Variants in SYT1 observed in about 807,000 individuals in gnomAD.
SYT1 encodes the protein synaptotagmin 1, also known as synaptotagmin-1.
In SYT1, 8 loss-of-function variants were observed where a neutral mutation model predicts 44.8. That is an observed-to-expected ratio of 0.18 (90% CI 0.10 to 0.32). The LOEUF is 0.32. Among genes scored for constraint, SYT1 ranks in the 10% least tolerant of loss-of-function variants. SYT1 has a pLI of 1.00. For synonymous variants in SYT1, 154 were observed against 188.8 expected, an observed-to-expected ratio of 0.82 and a Z score of 1.51; for missense variants, 286 against 509.3, an observed-to-expected ratio of 0.56 and a Z score of 4.22.
chr12:79,234,208 C>T (rs1358035744), intron 4 of SYT1, among the ~76,000 whole-genome samples: 1 of 152,152 alleles, frequency 6.6e-6, no homozygotes, highest in Non-Finnish European at 1.5e-5. Context: ...ATTTCCAATA[C>T]TATATGTAAA....
At chr12:79,065,778 A>AT (rs1315526161) in intron 3 of SYT1, among the ~76,000 whole-genome samples, 1 of 152,098 alleles carries the variant, frequency 6.6e-6, no homozygotes, top group Non-Finnish European at 1.5e-5. Context: ...TTTTATCATT[A>AT]TTTTTTGTGC....
intron 3 of SYT1, among the ~76,000 whole-genome samples, chr12:79,108,747 T>A (rs918594447): frequency 6.6e-6 from 1 of 152,214 alleles, no homozygotes; most frequent in Non-Finnish European, 1.5e-5. Context: ...AAGCTAGAAC[T>A]TTTAAATATA....
At position 79,352,348 on chromosome 12, in the gene SYT1, C is replaced by A. The variant is rs370189526; in HGVS notation, c.811-1154C>A. On this transcript the variant is annotated intron_variant, in intron 8 of 10. Transcript: ENST00000261205. ...ATAATAAGGGTATTACTTGAAAGTG[C>A]CTTAGTATATGGCTTTCTGTAGCTC... Among the ~76,000 whole-genome samples the A allele has an allele frequency of 4.6e-5, 7 of 152,202 alleles. 1 individual carries two copies. Among genetic ancestry groups the A allele is most frequent in the Admixed American group, 3.3e-4 (5 of 15,276 alleles).
intron 3 of SYT1, among the ~76,000 whole-genome samples, chr12:79,077,524 G>A (rs775143922): frequency 3.3e-5 from 5 of 152,090 alleles, no homozygotes; most frequent in Non-Finnish European, 7.4e-5. Flanking sequence ...TGGTTATTTG[G>A]GTAAGTTATC....
intron 3 of SYT1, among the ~76,000 whole-genome samples, chr12:79,113,301 T>C (rs1398450517): frequency 2.0e-5 from 3 of 152,230 alleles, no homozygotes; most frequent in East Asian, 1.9e-4. Flanking sequence ...TTTTAGCAAA[T>C]AAAATAGGAA....
intron 3 of SYT1, among the ~76,000 whole-genome samples, chr12:79,193,792 AT>A (rs1200030355): frequency 6.6e-6 from 1 of 152,190 alleles, no homozygotes; most frequent in Non-Finnish European, 1.5e-5. Context: ...TGAAGCTAAC[AT>A]TAAATATCAT....
intron 4 of SYT1, among the ~76,000 whole-genome samples, chr12:79,278,292 G>C (rs931024393): frequency 3.9e-5 from 6 of 151,982 alleles, no homozygotes; most frequent in African/African-American, 1.4e-4. Context: ...AATTTTTAGA[G>C]ATTTAAATCC....
At chr12:79,168,191 A>G (rs1038067704) in intron 3 of SYT1, among the ~76,000 whole-genome samples, 2 of 152,002 alleles carry the variant, frequency 1.3e-5, no homozygotes, top group Admixed American at 6.6e-5. Context: ...AGAGACAGGG[A>G]GCTTAAGAGA....
intron 1 of SYT1, among the ~76,000 whole-genome samples, chr12:78,874,641 C>G (rs1873974250): frequency 6.6e-6 from 1 of 151,540 alleles, no homozygotes; most frequent in African/African-American, 2.4e-5. Flanking sequence ...CCACCTGACT[C>G]AAAATGCTTA....
chr12:79,240,205 A>G (rs1348506228), intron 4 of SYT1, among the ~76,000 whole-genome samples: 1 of 152,220 alleles, frequency 6.6e-6, no homozygotes. Flanking sequence ...GAATGAATGT[A>G]TGACAGAGAA....
chr12:79,327,935 G>A (rs916193247), intron 8 of SYT1, among the ~76,000 whole-genome samples: 19 of 152,202 alleles, frequency 1.2e-4, no homozygotes, highest in African/African-American at 3.1e-4. Flanking sequence ...GGGGAATGGC[G>A]TGAGGGGTAA....
At chr12:79,370,294 A>G (rs1293488790) in intron 9 of SYT1, among the ~76,000 whole-genome samples, 1 of 152,158 alleles carries the variant, frequency 6.6e-6, no homozygotes, top group Non-Finnish European at 1.5e-5. Context: ...TTAAGCTGCA[A>G]AATACAGAAT....
In SYT1 at chr12:79,179,329, T is replaced by C. The variant is rs559403278; in HGVS notation, c.-17-38174T>C. 9.0e-4 allele frequency among the ~76,000 whole-genome samples: 97 copies of C among 108,228 alleles called. 3 individuals carry two copies. Among genetic ancestry groups the C allele is most frequent in the South Asian group, 2.7e-3 (10 of 3,642 alleles). The allele number at this position is 108,228 out of a possible 152,430, so 71.0% of individuals were successfully genotyped here. Reference sequence around the variant, plus strand: ...ATATCTATATAGATATAGATATAGATATAGATATATCGATATGTCTATATC... The same window carrying C: ...ATATCTATATAGATATAGATATAGACATAGATATATCGATATGTCTATATC... On this transcript the variant is annotated intron_variant, in intron 3 of 10. Transcript: ENST00000261205.
intron 3 of SYT1, among the ~76,000 whole-genome samples, chr12:79,176,965 A>G (rs1282865249): frequency 1.3e-5 from 2 of 152,016 alleles, no homozygotes; most frequent in East Asian, 3.9e-4. Flanking sequence ...ATTATCCAAT[A>G]TAATCTCTAA....
intron 5 of SYT1, among the ~76,000 whole-genome samples, chr12:79,290,666 A>G (rs554953632): frequency 4.3e-4 from 66 of 152,358 alleles, no homozygotes; most frequent in Middle Eastern, 3.4e-3. Context: ...GAGATTCTAC[A>G]GTAATACATG....
rs538466832 is a variant in SYT1 at position 79,106,988 on chromosome 12, G to A, written c.-18+59626G>A. On this transcript the variant is annotated intron_variant, in intron 3 of 10. Coordinates refer to ENST00000261205, the MANE Select transcript of SYT1 (RefSeq NM_005639.3). The stretch of plus-strand genomic sequence containing the variant: ...CTTTGCATTGTGTAGACCAGAATTC[G>A]GGTTCATAGAAAAAATTCTTTCTTC... 5.9e-5 allele frequency among the ~76,000 whole-genome samples: 9 copies of A among 151,626 alleles called. No individual in the cohort carries two copies. In the East Asian group the frequency reaches 1.4e-3, roughly 23 times the overall value.
chr12:79,420,145 G>A (rs762555591), intron 9 of SYT1, among the ~76,000 whole-genome samples: 1 of 152,004 alleles, frequency 6.6e-6, no homozygotes, highest in Non-Finnish European at 1.5e-5. Flanking sequence ...TGCAAATGTG[G>A]GTGAGTATTT....
chr12:79,224,430 G>T (rs1260182243), intron 4 of SYT1, among the ~76,000 whole-genome samples: 4 of 152,150 alleles, frequency 2.6e-5, no homozygotes, highest in African/African-American at 9.7e-5. Flanking sequence ...GGGATGACCA[G>T]GGCTGGTTTC....
Position 79,352,057 on chromosome 12 carries a change from G to C in SYT1, c.811-1445G>C, listed in dbSNP as rs534649456. On this transcript the variant is annotated intron_variant, in intron 8 of 10. Transcript: ENST00000261205. ...ACTTGGAGCCATAAACATATTTGGT[G>C]ATGTTTCCAGCACAGACATTACTTT... 3.9e-5 allele frequency among the ~76,000 whole-genome samples: 6 copies of C among 152,166 alleles called. No homozygotes were observed. The South Asian group carries it at 1.2e-3, about 32-fold the overall frequency.
Sources: gnomAD v4.1 joint callset for allele counts (sites outside exome capture counted in the v4.1 genomes callset) on GRCh38, gnomAD v4.1.1 for gene constraint, MANE v1.5 for transcripts, NCBI Gene and HGNC (gene_info 2026-07-23, HGNC 2026-07-21) for gene names.